Variants in TMEM178A observed in about 807,000 individuals in gnomAD.
TMEM178A encodes transmembrane protein 178A, also known as transmembrane protein 178.
TMEM178A carries 12 observed loss-of-function variants against 29.1 expected under a neutral mutation model. The observed-to-expected ratio is 0.41, with a 90% CI of 0.26 to 0.67. TMEM178A has a LOEUF of 0.67. Ranked by LOEUF, TMEM178A falls within the 30% of genes least tolerant of loss-of-function variation. The pLI is 0.29. For synonymous variants in TMEM178A, 210 were observed against 187.2 expected (o/e 1.12, Z -0.99); for missense variants, 366 against 419.1 (o/e 0.87, Z 1.11).
intron 1 of TMEM178A, among the ~76,000 whole-genome samples, chr2:39,690,566 A>G (rs73927037): frequency 0.04 from 6,121 of 152,284 alleles, 362 homozygotes; most frequent in African/African-American, 0.12. Context: ...AAGAAGTGGG[A>G]CAGGTGTGTC....
At chr2:39,724,666 T>C in the TMEM178A span, among the ~76,000 whole-genome samples, 3 of 152,064 alleles carry the variant, frequency 2.0e-5, no homozygotes, top group East Asian at 5.8e-4. Flanking sequence ...AAACACCCCA[T>C]AACCAAACCA....
intron 1 of TMEM178A, among the ~76,000 whole-genome samples, chr2:39,696,372 T>C (rs1450841062): frequency 6.6e-6 from 1 of 152,220 alleles, no homozygotes; most frequent in Non-Finnish European, 1.5e-5. Flanking sequence ...GCAGTGGTTC[T>C]GTATGGCGAA....
rs1672572571 is a variant in TMEM178A, at chr2:39,717,058, A to G, written c.701A>G (p.Tyr234Cys). ...TGTACTTATGCCGCCAGTATCTCGT[A>G]TGATTTGAACCGGCTCCCAAAGCTA... ...SLCTYAASIS[Y>C]DLNRLPKLIY... The change falls in exon 4 of 4, where the codon TAT (tyrosine) becomes TGT (cysteine). Residue 234 changes from tyrosine (Y) to cysteine (C), a missense_variant. Coordinates refer to ENST00000281961, the MANE Select transcript of TMEM178A (RefSeq NM_152390.3). The G allele has an allele frequency of 6.2e-7, 1 of 1,610,570 alleles. No individual in the cohort carries two copies. The highest frequency in any genetic ancestry group is 1.4e-5 in the African/African-American group (1 of 73,496).
chr2:39,697,761 C>G (rs1671607609), intron 1 of TMEM178A: 1 of 152,604 alleles, frequency 6.6e-6, no homozygotes, highest in Non-Finnish European at 1.5e-5. Flanking sequence ...GAACCCTGGG[C>G]CAGCTGCCAC....
chr2:39,667,017 A>T (rs754223718), intron 1 of TMEM178A, among the ~76,000 whole-genome samples: 22 of 152,180 alleles, frequency 1.4e-4, no homozygotes, highest in Non-Finnish European at 2.4e-4. Flanking sequence ...GACTTCAGAG[A>T]CCAATCGTTG....
At chr2:39,720,989 T>C (rs1672692602), downstream of TMEM178A, among the ~76,000 whole-genome samples, 1 of 152,190 alleles carries the variant, frequency 6.6e-6, no homozygotes, top group South Asian at 2.1e-4. Flanking sequence ...CTCAATATGG[T>C]TCTACACCTC....
At chr2:39,692,593 A>G (rs554159602) in intron 1 of TMEM178A, among the ~76,000 whole-genome samples, 10 of 152,240 alleles carry the variant, frequency 6.6e-5, no homozygotes, top group African/African-American at 2.4e-4. Context: ...TACAAGTACT[A>G]TGATCCCTAG....
intron 1 of TMEM178A, among the ~76,000 whole-genome samples, chr2:39,698,215 T>A (rs1671633423): frequency 6.6e-6 from 1 of 152,248 alleles, no homozygotes; most frequent in South Asian, 2.1e-4. Context: ...GTATTTAATA[T>A]ATAGAGTTTG....
chr2:39,715,677 G>A (rs1319372532), intron 3 of TMEM178A, among the ~76,000 whole-genome samples: 1 of 152,192 alleles, frequency 6.6e-6, no homozygotes, highest in East Asian at 1.9e-4. Flanking sequence ...CTCAGATCCA[G>A]TGTCCTTTTA....
chr2:39,693,307 C>T (rs1055187198), intron 1 of TMEM178A, among the ~76,000 whole-genome samples: 1 of 152,188 alleles, frequency 6.6e-6, no homozygotes, highest in Non-Finnish European at 1.5e-5. Context: ...TGTGTTCTGA[C>T]TATATTGATC....
intron 1 of TMEM178A, among the ~76,000 whole-genome samples, chr2:39,677,807 A>G (rs1670693092): frequency 6.6e-6 from 1 of 152,126 alleles, no homozygotes; most frequent in African/African-American, 2.4e-5. Context: ...CAGAGCAGGA[A>G]TTATGAAGCA....
At chr2:39,688,312 A>C (rs982554964) in intron 1 of TMEM178A, among the ~76,000 whole-genome samples, 1 of 152,260 alleles carries the variant, frequency 6.6e-6, no homozygotes, top group Admixed American at 6.5e-5. Flanking sequence ...AAGTGTGCTT[A>C]TCTGGCTGCA....
chr2:39,709,642 T>C (rs1672216021), intron 3 of TMEM178A, among the ~76,000 whole-genome samples: 1 of 152,204 alleles, frequency 6.6e-6, no homozygotes, highest in Admixed American at 6.5e-5. Flanking sequence ...AATGGTTATT[T>C]AAAAATCTCC....
intron 3 of TMEM178A, among the ~76,000 whole-genome samples, chr2:39,708,518 A>G (rs953015677): frequency 7.3e-6 from 1 of 137,304 alleles, no homozygotes; most frequent in Non-Finnish European, 1.5e-5. Context: ...TCCCGGGTTC[A>G]CGCCATTCTC....
intron 1 of TMEM178A, among the ~76,000 whole-genome samples, chr2:39,701,539 T>C (rs1433207573): frequency 1.3e-5 from 2 of 152,130 alleles, no homozygotes; most frequent in Non-Finnish European, 2.9e-5. Context: ...TCTGAGTTTA[T>C]CTTATTTGTA....
the TMEM178A span, among the ~76,000 whole-genome samples, chr2:39,733,733 T>C: frequency 6.6e-6 from 1 of 152,210 alleles, no homozygotes; most frequent in African/African-American, 2.4e-5. Flanking sequence ...AGAATTTATG[T>C]TTCTTTTTCA....
chr2:39,719,511 A>C (rs1353336974), downstream of TMEM178A, among the ~76,000 whole-genome samples: 1 of 152,240 alleles, frequency 6.6e-6, no homozygotes, highest in Non-Finnish European at 1.5e-5. Flanking sequence ...CCAACGTGCC[A>C]GGCCAAGGTT....
At chr2:39,679,586 C>T (rs1206687646) in intron 1 of TMEM178A, among the ~76,000 whole-genome samples, 3 of 151,992 alleles carry the variant, frequency 2.0e-5, no homozygotes, top group Non-Finnish European at 4.4e-5. Flanking sequence ...TGTCTCTTTA[C>T]TTATCTCCAT....
At chr2:39,729,374 A>C in the TMEM178A span, among the ~76,000 whole-genome samples, 1 of 152,154 alleles carries the variant, frequency 6.6e-6, no homozygotes, top group Non-Finnish European at 1.5e-5. Context: ...CAATTATCAT[A>C]TGTCAGTGTC....
Sources: allele counts gnomAD v4.1 joint callset (sites outside exome capture counted in the v4.1 genomes callset), GRCh38; gene constraint gnomAD v4.1.1; transcripts MANE v1.5; gene names NCBI Gene and HGNC (gene_info 2026-07-23, HGNC 2026-07-21).